LILRB5: variants seen among roughly 807,000 people sequenced by gnomAD.
LILRB5 encodes leukocyte immunoglobulin-like receptor subfamily B member 5.
LILRB5 carries 61 observed loss-of-function variants against 68.4 expected under a neutral mutation model. That is an observed-to-expected ratio of 0.89 (90% CI 0.73 to 1.10). LILRB5 has a LOEUF of 1.10. Ranked by LOEUF, LILRB5 falls within the 50% of genes least tolerant of loss-of-function variation. The pLI is 0.00. For synonymous variants in LILRB5, 356 were observed against 315.8 expected, an observed-to-expected ratio of 1.13 and a Z score of -1.35; for missense variants, 771 against 751.6, an observed-to-expected ratio of 1.03 and a Z score of -0.30.
Position 54,252,670 on chromosome 19 carries a change from C to T in LILRB5, c.1475-121G>A, listed in dbSNP as rs374646630. 8.8e-5 allele frequency: 104 copies of T among 1,179,198 alleles called. 1 individual carries two copies. Among genetic ancestry groups the T allele is most frequent in the Middle Eastern group, 4.2e-4 (2 of 4,818 alleles). 73.0% of individuals were successfully genotyped at this position (1,179,198 alleles called of 1,614,324 possible). The stretch of plus-strand genomic sequence containing the variant: ...ACTGGCACTGAGGCTTTAAATACGT[C>T]GTAAGTTTAAAGTAAAATCAGAAGA... On this transcript the variant is annotated intron_variant, in intron 9 of 12. Coordinates refer to ENST00000449561, the MANE Select transcript of LILRB5 (RefSeq NM_001081442.3).
intron 6 of LILRB5, 31 bp downstream of exon 6, chr19:54,254,704 A>C (rs1040514489): frequency 1.9e-6 from 3 of 1,611,554 alleles, no homozygotes; most frequent in Non-Finnish European, 2.5e-6. Flanking sequence ...TGAGCCTTTG[A>C]GCTTGGACAG....
intron 7 of LILRB5, 23 bp from the exon 8 acceptor site, chr19:54,254,091 G>C (rs1274776476): frequency 1.3e-6 from 2 of 1,585,312 alleles, no homozygotes; most frequent in Non-Finnish European, 1.7e-6. Context: ...GGGGAGGTGA[G>C]GGCTGGGGCT....
At chr19:54,251,966 A>G in intron 12 of LILRB5, 88 bp downstream of exon 12, 1 of 1,337,492 alleles carries the variant, frequency 7.5e-7, no homozygotes, top group Non-Finnish European at 1.1e-6. Flanking sequence ...CGATGCTGAG[A>G]GCCGGGGGAA....
chr19:54,256,630 GTC>G lies in LILRB5; in HGVS notation c.212_213del (p.Arg71ThrfsTer20). The G allele has an allele frequency of 6.2e-7, 1 of 1,614,164 alleles. No homozygotes were observed. The highest frequency in any genetic ancestry group is 1.1e-5 in the South Asian group (1 of 91,086). On this transcript the variant is annotated frameshift_variant, in exon 3 of 13. Transcript: ENST00000449561. LOFTEE classifies it high-confidence loss of function. ...DKEGLPWARK[R>X]QNPLEPGAKA... ...TTGGCTCCAGGCTCCAGTGGGTTCT[GTC>G]TCTTCCGGGCCCATGGGAGTCCCTC...
At chr19:54,254,133 TC>T in intron 7 of LILRB5, 65 bp from the exon 8 acceptor site, 1 of 1,550,198 alleles carries the variant, frequency 6.5e-7, no homozygotes, top group Admixed American at 2.1e-5. Flanking sequence ...CGGCTGCTCC[TC>T]CCCCAGGCTG....
In LILRB5 at chr19:54,254,953, G is replaced by C; in HGVS notation, c.1037C>G (p.Ser346Ter). 6.2e-7 allele frequency: 1 copy of C among 1,614,072 alleles called. No individual in the cohort carries two copies. Among genetic ancestry groups the C allele is most frequent in the Non-Finnish European group, 8.5e-7 (1 of 1,179,968 alleles). ...AAAGAAAGTGTCTATCTGATGCCAT[G>C]ACTGACACAGCAGGGTCACGTTCTC... Reference protein sequence around the residue: ...SGENVTLLCQSWHQIDTFFLT... With the variant: ...SGENVTLLCQ Residue 346 changes from serine to a stop codon, truncating the protein, a stop_gained, in exon 6 of 13, where the codon TCA becomes TGA. Transcript: ENST00000449561. LOFTEE classifies it high-confidence loss of function.
Position 54,257,014 on chromosome 19 carries a change from G to A in LILRB5, c.35-18C>T. On this transcript the variant is annotated intron_variant, in intron 1 of 12. Transcript: ENST00000449561. ...ACTCAGCCCTGGAAGAGAGTTCCCTGTGAGGGATTTGCCCCTGGAAGCCCC... is the reference window on the plus strand; with the variant it reads ...ACTCAGCCCTGGAAGAGAGTTCCCTATGAGGGATTTGCCCCTGGAAGCCCC... 6.2e-7 allele frequency: 1 copy of A among 1,614,232 alleles called. No individual in the cohort carries two copies. Among genetic ancestry groups the A allele is most frequent in the Admixed American group, 1.7e-5 (1 of 60,028 alleles).
At chr19:54,253,782 G>T in intron 8 of LILRB5, 1 of 1,406,174 alleles carries the variant, frequency 7.1e-7, no homozygotes, top group Non-Finnish European at 9.7e-7. Context: ...CCCAAACCAC[G>T]GCCCTGCTCC....
At position 54,255,023 on chromosome 19, in the gene LILRB5, T is replaced by A; in HGVS notation, c.967A>T (p.Ile323Leu). ...DILIAGLIPDIPALSVQPGPK... is the reference protein window; with the variant it reads ...DILIAGLIPDLPALSVQPGPK... Reference sequence around the variant, plus strand: ...CCCGGCTGCACCGAGAGGGCGGGTATGTCAGGGATCAGTCCTGGAGAGAAG... The same window carrying A: ...CCCGGCTGCACCGAGAGGGCGGGTAAGTCAGGGATCAGTCCTGGAGAGAAG... Residue 323 changes from isoleucine (I) to leucine (L), a missense_variant, in exon 6 of 13, where the codon ATA (isoleucine) becomes TTA (leucine). By Grantham distance (5) the Ile-to-Leu change is conservative. Coordinates refer to ENST00000449561, the MANE Select transcript of LILRB5 (RefSeq NM_001081442.3). 1 of 1,608,378 alleles carries A rather than the reference T, an allele frequency of 6.2e-7. No homozygotes were observed. The highest frequency in any genetic ancestry group is 8.5e-7 in the Non-Finnish European group (1 of 1,176,610).
intron 4 of LILRB5, 130 bp from the exon 5 acceptor site, chr19:54,255,712 C>T: frequency 8.8e-7 from 1 of 1,138,844 alleles, no homozygotes. Flanking sequence ...CCGGGGCCTC[C>T]TTCTCACCTG....
rs559138603 is a variant in LILRB5 at position 54,249,642 on chromosome 19, G to A, written c.*1144C>T. On this transcript the variant is annotated 3_prime_UTR_variant, in exon 13 of 13. Transcript: ENST00000449561. ...TTGTAGGCGTCAGAAAGAAGGAAGAGAAAACGATGTCTAGCAATAGCCCAA... is the reference window on the plus strand; with the variant it reads ...TTGTAGGCGTCAGAAAGAAGGAAGAAAAAACGATGTCTAGCAATAGCCCAA... The A allele has an allele frequency of 6.6e-6, 1 of 152,314 alleles. No homozygotes were observed. The highest frequency in any genetic ancestry group is 2.4e-5 in the African/African-American group (1 of 41,564). The allele number at this position is 152,314 out of a possible 1,614,324, so 9.4% of individuals were successfully genotyped here.
intron 11 of LILRB5, 88 bp downstream of exon 11, chr19:54,252,278 C>T (rs7248598): frequency 0.032 from 48,749 of 1,509,416 alleles, 3,995 homozygotes; most frequent in African/African-American, 0.3. Context: ...CCCCAGACCC[C>T]CCCCAGCCTG....
chr19:54,255,621 C>T (rs751741749), intron 4 of LILRB5, 39 bp from the exon 5 acceptor site: 15 of 1,579,614 alleles, frequency 9.5e-6, no homozygotes, highest in Non-Finnish European at 1.3e-5. Context: ...AAGGCTGGTT[C>T]CTCCCCCGCC....
At chr19:54,254,090 AGGGCTG>A (rs1309809016) in intron 7 of LILRB5, 22 bp from the exon 8 acceptor site, 2 of 1,587,004 alleles carry the variant, frequency 1.3e-6, no homozygotes, top group Non-Finnish European at 1.7e-6. Context: ...CGGGGAGGTG[AGGGCTG>A]GGGCTGCCCT....
chr19:54,255,015 G>A lies in LILRB5; in HGVS notation c.975C>T (p.Ala325=), dbSNP rs145198316. The A allele has an allele frequency of 2.5e-4, 409 of 1,610,570 alleles. 2 individuals are homozygous for A. The African/African-American group carries it at 5.0e-3, about 20-fold the overall frequency. Residue 325 remains alanine (A), a synonymous_variant, in exon 6 of 13, where the codon GCC becomes GCT. Coordinates refer to ENST00000449561, the MANE Select transcript of LILRB5 (RefSeq NM_001081442.3). ...LIAGLIPDIP[A]LSVQPGPKVA... ...CCTTGGGGCCCGGCTGCACCGAGAG[G>A]GCGGGTATGTCAGGGATCAGTCCTG...
At position 54,256,045 on chromosome 19, in the gene LILRB5, G is replaced by A. The variant is rs1163545339; in HGVS notation, c.653C>T (p.Pro218Leu). ...AAGAAGTGTGGTGGCTTTTTCACCT[G>A]GGACCAGAATCTCCAGGAGGTCACT... ...NPSDLLEILV[P>L]GVSRKPSLLI... Residue 218 changes from proline to leucine, a missense_variant and splice_region_variant, in exon 4 of 13, where the codon CCA (proline) becomes CTA (leucine). By Grantham distance (98) the Pro-to-Leu change is moderately conservative (BLOSUM62 -3). Coordinates refer to ENST00000449561, the MANE Select transcript of LILRB5 (RefSeq NM_001081442.3). 7.2e-6 allele frequency: 11 copies of A among 1,535,142 alleles called. No homozygotes were observed. The highest frequency in any genetic ancestry group is 9.6e-6 in the Non-Finnish European group (11 of 1,144,484).
rs200228412 is a variant in LILRB5 at position 54,250,830 on chromosome 19, G to A, written c.1732C>T (p.Pro578Ser). The change falls in exon 13 of 13, where the codon CCT (proline) becomes TCT (serine). Residue 578 changes from proline to serine, a missense_variant. Transcript: ENST00000449561. ...TEPPPSQERE[P>S]PAEPSIYAPL... Reference sequence around the variant, plus strand: ...GCGTAGATGCTGGGTTCAGCTGGAGGTTCCCTTTCCTGGGATGGAGGAGGC... The same window carrying A: ...GCGTAGATGCTGGGTTCAGCTGGAGATTCCCTTTCCTGGGATGGAGGAGGC... 1.2e-6 allele frequency: 2 copies of A among 1,614,100 alleles called. No individual in the cohort carries two copies. The highest frequency in any genetic ancestry group is 2.2e-5 in the East Asian group (1 of 44,858).
At chr19:54,257,139 T>C in intron 1 of LILRB5, 21 bp downstream of exon 1, 1 of 1,614,108 alleles carries the variant, frequency 6.2e-7, no homozygotes, top group South Asian at 1.1e-5. Flanking sequence ...GGGACCTTCC[T>C]TCCCCCTCTT....
chr19:54,254,157 C>T, intron 7 of LILRB5, 89 bp from the exon 8 acceptor site: 1 of 1,536,898 alleles, frequency 6.5e-7, no homozygotes, highest in Non-Finnish European at 8.8e-7. Flanking sequence ...CCCCAACACC[C>T]AACATCTCTC....
Sources: gnomAD v4.1 joint callset for allele counts on GRCh38, gnomAD v4.1.1 for gene constraint, MANE v1.5 for transcripts, NCBI Gene and HGNC (gene_info 2026-07-23, HGNC 2026-07-21) for gene names.